PBX3: variants seen among roughly 807,000 people sequenced by gnomAD.
The protein encoded by PBX3 is PBX homeobox 3.
PBX3 carries 14 observed loss-of-function variants against 48.5 expected under a neutral mutation model. That is an observed-to-expected ratio of 0.29 (90% CI 0.19 to 0.45). The LOEUF is 0.45. Among genes scored for constraint, PBX3 ranks in the 20% least tolerant of loss-of-function variants. The pLI, the probability that PBX3 is intolerant of heterozygous loss-of-function variation, is 1.00. For synonymous variants in PBX3, 210 were observed against 200.3 expected (o/e 1.05, Z -0.41); for missense variants, 386 against 546.7 (o/e 0.71, Z 2.93).
At chr9:125,793,370 T>A (rs1486397115) in intron 2 of PBX3, among the ~76,000 whole-genome samples, 41 of 125,188 alleles carry the variant, frequency 3.3e-4, no homozygotes, top group East Asian at 1.5e-3. Context: ...AAAAAAAATA[T>A]ATATATATAT....
rs182332877 is a variant in PBX3 at position 125,789,432 on chromosome 9, A to G, written c.274+40809A>G. On this transcript the variant is annotated intron_variant, in intron 2 of 8. Transcript: ENST00000373489. ...AGGGTTTGCCTCTCTGCTCACTCAC[A>G]TGACTATTGACAGTACTCAGTCCTC... is the stretch of plus-strand genomic sequence containing the variant. Among the ~76,000 whole-genome samples, 311 of 152,294 alleles carry G rather than the reference A, an allele frequency of 2.0e-3. 1 individual carries two copies. The highest frequency in any genetic ancestry group is 4.0e-3 in the Non-Finnish European group (272 of 68,026).
At chr9:125,903,401 A>G (rs1418040649) in intron 2 of PBX3, among the ~76,000 whole-genome samples, 3 of 151,866 alleles carry the variant, frequency 2.0e-5, no homozygotes, top group Non-Finnish European at 4.4e-5. Context: ...AGAACATGGC[A>G]TTATATATTT....
chr9:125,954,821 G>A (rs944523020), intron 5 of PBX3, among the ~76,000 whole-genome samples: 2 of 152,194 alleles, frequency 1.3e-5, no homozygotes, highest in African/African-American at 4.8e-5. Context: ...ACAGGGGTGA[G>A]CCACCATGCC....
At chr9:125,753,779 A>C (rs947897826) in intron 2 of PBX3, among the ~76,000 whole-genome samples, 1 of 152,068 alleles carries the variant, frequency 6.6e-6, no homozygotes, top group African/African-American at 2.4e-5. Flanking sequence ...CAAAGAGCAC[A>C]CTGGTTGATC....
intron 2 of PBX3, among the ~76,000 whole-genome samples, chr9:125,754,188 T>C (rs939442493): frequency 1.3e-5 from 2 of 152,112 alleles, no homozygotes; most frequent in African/African-American, 2.4e-5. Flanking sequence ...TATTTATTAG[T>C]TCAATATTGA....
intron 2 of PBX3, among the ~76,000 whole-genome samples, chr9:125,823,213 G>A (rs1838706847): frequency 6.6e-6 from 1 of 152,162 alleles, no homozygotes; most frequent in African/African-American, 2.4e-5. Flanking sequence ...GCTGACCATT[G>A]CTGTTGATTA....
At chr9:125,804,240 A>T (rs1421152763) in intron 2 of PBX3, among the ~76,000 whole-genome samples, 2 of 152,234 alleles carry the variant, frequency 1.3e-5, no homozygotes, top group East Asian at 3.8e-4. Context: ...AGTTATAAAG[A>T]TTCTTAGGTC....
chr9:125,901,310 A>G (rs1201143578), intron 2 of PBX3, among the ~76,000 whole-genome samples: 6 of 151,708 alleles, frequency 4.0e-5, no homozygotes, highest in South Asian at 2.1e-4. Context: ...CTAGCATTCA[A>G]CTGTGTATCT....
At position 125,947,290 on chromosome 9, in the gene PBX3, TTAAAA is replaced by T. The variant is rs370260723; in HGVS notation, c.843+11688_843+11692del. Among the ~76,000 whole-genome samples, 392 of 152,286 alleles carry T rather than the reference TTAAAA, an allele frequency of 2.6e-3. 1 individual carries two copies. The highest frequency in any genetic ancestry group is 9.0e-3 in the African/African-American group (376 of 41,564). ...TGTAAATCTAAGTGAATAATACTGT[TTAAAA>T]TAAAGATAATGTCTTATTTTGCTTA... On this transcript the variant is annotated intron_variant, in intron 5 of 8. Coordinates refer to ENST00000373489, the MANE Select transcript of PBX3 (RefSeq NM_006195.6).
intron 2 of PBX3, among the ~76,000 whole-genome samples, chr9:125,767,386 C>T (rs1183288347): frequency 6.6e-6 from 1 of 152,154 alleles, no homozygotes; most frequent in African/African-American, 2.4e-5. Flanking sequence ...ATAGTTTATT[C>T]TGATTTTGTC....
At position 125,747,557 on chromosome 9, in the gene PBX3, A is replaced by G; in HGVS notation, c.104A>G (p.Glu35Gly). Residue 35 changes from glutamate (E) to glycine (G), a missense_variant, in exon 1 of 9, where the codon GAA becomes GGA. Coordinates refer to ENST00000373489, the MANE Select transcript of PBX3 (RefSeq NM_006195.6). ...MALPPPPHGH[E>G]GADGDGRKQD... ...CTGCCGCCTCCCCCGCACGGCCACG[A>G]AGGGGCGGACGGCGACGGCAGGAAG... 1 of 1,606,280 alleles carries G rather than the reference A, an allele frequency of 6.2e-7. No individual in the cohort carries two copies. The highest frequency in any genetic ancestry group is 8.5e-7 in the Non-Finnish European group (1 of 1,176,596).
At chr9:125,889,352 T>TGCAC (rs1366873871) in intron 2 of PBX3, among the ~76,000 whole-genome samples, 1 of 152,226 alleles carries the variant, frequency 6.6e-6, no homozygotes, top group Non-Finnish European at 1.5e-5. Context: ...CGCTTGGCAG[T>TGCAC]GCACACACGC....
At chr9:125,844,354 A>G (rs1459305120) in intron 2 of PBX3, among the ~76,000 whole-genome samples, 2 of 150,770 alleles carry the variant, frequency 1.3e-5, no homozygotes, top group African/African-American at 4.9e-5. Context: ...AGTCCTAGGT[A>G]TATATATTTT....
chr9:125,773,087 G>C (rs1836981891), intron 2 of PBX3, among the ~76,000 whole-genome samples: 1 of 152,060 alleles, frequency 6.6e-6, no homozygotes, highest in Non-Finnish European at 1.5e-5. Flanking sequence ...AGCTACTGGT[G>C]GGTTCAAACA....
intron 2 of PBX3, among the ~76,000 whole-genome samples, chr9:125,902,683 G>A (rs1377025234): frequency 1.3e-5 from 2 of 151,546 alleles, no homozygotes; most frequent in Non-Finnish European, 3.0e-5. Flanking sequence ...ATTTTGAAAA[G>A]TGCCAGGGGG....
chr9:125,947,294 AATAAAG>A (rs1212344984), intron 5 of PBX3, among the ~76,000 whole-genome samples: 2 of 151,442 alleles, frequency 1.3e-5, no homozygotes, highest in African/African-American at 4.9e-5. Context: ...TACTGTTTAA[AATAAAG>A]ATAATGTCTT....
chr9:125,959,391 T>C (rs1029197343), intron 5 of PBX3, among the ~76,000 whole-genome samples: 1 of 152,232 alleles, frequency 6.6e-6, no homozygotes, highest in Non-Finnish European at 1.5e-5. Flanking sequence ...CATGTGTATA[T>C]GTGCACATGT....
chr9:125,809,466 G>C (rs1838224704), intron 2 of PBX3, among the ~76,000 whole-genome samples: 1 of 150,110 alleles, frequency 6.7e-6, no homozygotes, highest in Non-Finnish European at 1.5e-5. Context: ...TAAGGCTCCA[G>C]GTATTACCTT....
intron 2 of PBX3, among the ~76,000 whole-genome samples, chr9:125,771,356 A>G (rs1258294137): frequency 6.6e-6 from 1 of 152,178 alleles, no homozygotes; most frequent in Non-Finnish European, 1.5e-5. Flanking sequence ...CAGATTTTTT[A>G]TTCTGTCCAA....
Sources: gnomAD v4.1 joint callset for allele counts (sites outside exome capture counted in the v4.1 genomes callset) on GRCh38, gnomAD v4.1.1 for gene constraint, MANE v1.5 for transcripts, NCBI Gene and HGNC (gene_info 2026-07-23, HGNC 2026-07-21) for gene names.